The following PSMA1 variants were observed in gnomAD, a reference collection of about 807,000 sequenced individuals.
PSMA1 encodes proteasome subunit alpha type-1.
A neutral mutation model predicts 38.4 loss-of-function variants in PSMA1; 3 were observed. That is an observed-to-expected ratio of 0.08 (90% CI 0.04 to 0.20). PSMA1 has a LOEUF of 0.20. Ranked by LOEUF, PSMA1 falls within the 10% of genes least tolerant of loss-of-function variation. The pLI is 1.00. For synonymous variants in PSMA1, 101 were observed against 107.1 expected (o/e 0.94, Z 0.35); for missense variants, 227 against 325.3 (o/e 0.70, Z 2.32).
chr11:14,589,450 A>T (rs1026518902), intron 2 of PSMA1, among the ~76,000 whole-genome samples: 1 of 149,914 alleles, frequency 6.7e-6, no homozygotes, highest in South Asian at 2.1e-4. Flanking sequence ...TGTGTGTATT[A>T]TATATATATA....
intron 1 of PSMA1, among the ~76,000 whole-genome samples, chr11:14,519,599 A>G (rs1851492701): frequency 1.3e-5 from 2 of 152,326 alleles, no homozygotes; most frequent in South Asian, 4.1e-4. Context: ...GAATGAACAA[A>G]AATGTCCTCA....
At chr11:14,508,731 C>G (rs964584272) in intron 8 of PSMA1, among the ~76,000 whole-genome samples, 18 of 152,112 alleles carry the variant, frequency 1.2e-4, no homozygotes, top group African/African-American at 4.3e-4. Context: ...TGCAATTCCT[C>G]GTCTCCCATT....
At chr11:14,571,295 C>A (rs891827648) in intron 2 of PSMA1, among the ~76,000 whole-genome samples, 1 of 152,180 alleles carries the variant, frequency 6.6e-6, no homozygotes. Context: ...GATCTCCTGA[C>A]CCCGTGATCT....
At position 14,583,939 on chromosome 11, in the gene PSMA1, C is replaced by T. The variant is rs1484832791; in HGVS notation, c.21+27027G>A. On this transcript the variant is annotated intron_variant, in intron 2 of 10. Transcript: ENST00000418988. ...ACTCCACATGGCTTCAGGGCTCATA[C>T]CCTCCTACCCTAACCTCATCTGTCT... Among the ~76,000 whole-genome samples, 4 of 152,130 alleles carry T rather than the reference C, an allele frequency of 2.6e-5. No homozygotes were observed. In the East Asian group the frequency reaches 7.7e-4, roughly 29 times the overall value.
At chr11:14,535,099 C>T (rs1449504675) in intron 2 of PSMA1, among the ~76,000 whole-genome samples, 1 of 150,384 alleles carries the variant, frequency 6.6e-6, no homozygotes, top group Admixed American at 6.6e-5. Flanking sequence ...AAAAAACAAA[C>T]AAAAAAACCC....
chr11:14,579,961 A>G (rs1010843356), intron 2 of PSMA1, among the ~76,000 whole-genome samples: 2 of 152,164 alleles, frequency 1.3e-5, no homozygotes, highest in African/African-American at 4.8e-5. Flanking sequence ...TGTGCTGAGG[A>G]AAGGGAGAGA....
intron 2 of PSMA1, among the ~76,000 whole-genome samples, chr11:14,591,630 C>T (rs563559035): frequency 3.9e-5 from 6 of 152,242 alleles, no homozygotes; most frequent in South Asian, 2.1e-4. Context: ...GTGCACCAAT[C>T]GACACTCTGT....
At chr11:14,567,069 C>T (rs1354640166) in intron 2 of PSMA1, among the ~76,000 whole-genome samples, 3 of 152,182 alleles carry the variant, frequency 2.0e-5, no homozygotes, top group Non-Finnish European at 4.4e-5. Flanking sequence ...CCAGAGAAAG[C>T]AGAGGAAACC....
At chr11:14,629,872 G>A (rs1305389606) in intron 1 of PSMA1, among the ~76,000 whole-genome samples, 1 of 152,126 alleles carries the variant, frequency 6.6e-6, no homozygotes, top group East Asian at 1.9e-4. Flanking sequence ...TCTTCTTGAA[G>A]AGGTCCTTCA....
chr11:14,589,251 C>T (rs1037574447), intron 2 of PSMA1, among the ~76,000 whole-genome samples: 1 of 151,978 alleles, frequency 6.6e-6, no homozygotes, highest in Non-Finnish European at 1.5e-5. Context: ...CCCCATAGCA[C>T]TTAACCACTT....
intron 2 of PSMA1, among the ~76,000 whole-genome samples, chr11:14,584,348 G>A (rs933391063): frequency 6.6e-6 from 1 of 152,168 alleles, no homozygotes; most frequent in East Asian, 1.9e-4. Flanking sequence ...TTTAAACCAC[G>A]CTATTCGCAG....
intron 2 of PSMA1, among the ~76,000 whole-genome samples, chr11:14,528,100 T>TA (rs775201432): frequency 4.7e-4 from 65 of 138,880 alleles, no homozygotes; most frequent in African/African-American, 7.9e-4. Context: ...GACTTACTAC[T>TA]AAAAAAAAAA....
At chr11:14,546,322 C>T (rs908722321) in intron 2 of PSMA1, among the ~76,000 whole-genome samples, 2 of 152,036 alleles carry the variant, frequency 1.3e-5, no homozygotes, top group African/African-American at 2.4e-5. Context: ...ACCCTGCCCC[C>T]CAACAACACC....
intron 5 of PSMA1, 196 bp downstream of exon 5, chr11:14,514,207 T>C (rs1185502071): frequency 7.4e-7 from 1 of 1,345,402 alleles, no homozygotes; most frequent in African/African-American, 1.5e-5. Flanking sequence ...CTTAGATGAT[T>C]TTCCTGAAGT....
At chr11:14,539,083 CTTAT>C (rs1375048065) in intron 2 of PSMA1, among the ~76,000 whole-genome samples, 1 of 152,134 alleles carries the variant, frequency 6.6e-6, no homozygotes, top group African/African-American at 2.4e-5. Flanking sequence ...TTCTCAAAGG[CTTAT>C]TTGTCTGTGG....
chr11:14,613,273 G>T (rs1852730353), intron 1 of PSMA1, among the ~76,000 whole-genome samples: 1 of 141,864 alleles, frequency 7.0e-6, no homozygotes, highest in African/African-American at 2.5e-5. Context: ...GGCAGAGGTT[G>T]CAGTGAGCCG....
At chr11:14,512,869 A>G (rs1851367781) in intron 7 of PSMA1, among the ~76,000 whole-genome samples, 1 of 152,252 alleles carries the variant, frequency 6.6e-6, no homozygotes, top group Non-Finnish European at 1.5e-5. Context: ...ACTTTAAGCC[A>G]GCATTTACCA....
At chr11:14,642,302 TA>T (rs1194252098) in intron 1 of PSMA1, among the ~76,000 whole-genome samples, 2 of 152,226 alleles carry the variant, frequency 1.3e-5, no homozygotes, top group Admixed American at 6.5e-5. Context: ...GCACATCATA[TA>T]AAAAATACAT....
At chr11:14,606,665 T>C (rs1008298436) in intron 2 of PSMA1, among the ~76,000 whole-genome samples, 4 of 152,162 alleles carry the variant, frequency 2.6e-5, no homozygotes, top group Non-Finnish European at 5.9e-5. Flanking sequence ...AATGGCAACA[T>C]TAAAAAGCAG....
Sources: allele counts gnomAD v4.1 joint callset (sites outside exome capture counted in the v4.1 genomes callset), GRCh38; gene constraint gnomAD v4.1.1; transcripts MANE v1.5; gene names NCBI Gene and HGNC (gene_info 2026-07-23, HGNC 2026-07-21).